MDFIC: variants seen among roughly 807,000 people sequenced by gnomAD.
MDFIC encodes MyoD family inhibitor domain containing, also known as myoD family inhibitor domain-containing protein.
In MDFIC, 17 loss-of-function variants were observed where a neutral mutation model predicts 23.2. That is an observed-to-expected ratio of 0.73 (90% CI 0.50 to 1.10). The LOEUF (loss-of-function observed/expected upper bound fraction) is 1.10. Ranked by LOEUF, MDFIC falls within the 50% of genes least tolerant of loss-of-function variation. The probability of loss-of-function intolerance (pLI) is 0.00; values close to 1 mark genes in which losing one functional copy is unlikely to be tolerated. For missense variants in MDFIC, 356 were observed against 316.6 expected (o/e 1.12, Z -0.95); for synonymous variants, 120 against 115.2 (o/e 1.04, Z -0.27).
At chr7:114,941,706 C>T (rs188439645) in intron 2 of MDFIC, among the ~76,000 whole-genome samples, 1 of 152,296 alleles carries the variant, frequency 6.6e-6, no homozygotes, top group African/African-American at 2.4e-5. Flanking sequence ...GGCTTTCTCC[C>T]TGAGAACCCA....
chr7:114,941,752 C>T (rs768682443), intron 2 of MDFIC, among the ~76,000 whole-genome samples: 13 of 152,270 alleles, frequency 8.5e-5, no homozygotes, highest in South Asian at 4.1e-4. Flanking sequence ...CTAAATACCC[C>T]CTTCTCAGAG....
rs1322801919 is a variant in MDFIC at position 114,923,463 on chromosome 7, C to T, written c.94+336C>T. Reference sequence around the variant, plus strand: ...TCTGAAGCGCTTCTCCTCTAGGTCTCTTCAGCAGATCCAGGACTGCCGCAG... The same window carrying T: ...TCTGAAGCGCTTCTCCTCTAGGTCTTTTCAGCAGATCCAGGACTGCCGCAG... On this transcript the variant is annotated intron_variant, in intron 2 of 4. Transcript: ENST00000393486. The T allele has an allele frequency of 2.6e-6, 4 of 1,537,734 alleles. No individual in the cohort carries two copies. The Admixed American group carries it at 5.9e-5, about 23-fold the overall frequency.
intron 4 of MDFIC, among the ~76,000 whole-genome samples, chr7:114,985,299 C>T (rs1464229807): frequency 6.6e-6 from 1 of 152,082 alleles, no homozygotes; most frequent in African/African-American, 2.4e-5. Context: ...TATGTGTTAG[C>T]TGCTGTTATG....
chr7:114,948,445 C>T (rs1792693226), intron 3 of MDFIC, among the ~76,000 whole-genome samples: 1 of 151,904 alleles, frequency 6.6e-6, no homozygotes, highest in African/African-American at 2.4e-5. Flanking sequence ...TATTTATGGC[C>T]TTTTTTGCAT....
At chr7:115,007,895 T>C (rs956960815) in intron 4 of MDFIC, among the ~76,000 whole-genome samples, 1 of 149,086 alleles carries the variant, frequency 6.7e-6, no homozygotes, top group African/African-American at 2.5e-5. Context: ...AACAGAGTTT[T>C]GTCATGTTGC....
At chr7:114,966,431 A>G (rs982677339) in intron 3 of MDFIC, among the ~76,000 whole-genome samples, 1 of 151,072 alleles carries the variant, frequency 6.6e-6, no homozygotes, top group Non-Finnish European at 1.5e-5. Context: ...AGGAAAAAAC[A>G]CCACCAAACT....
Position 115,018,093 on chromosome 7 carries a change from G to C in MDFIC, c.*2158G>C, listed in dbSNP as rs978784873. ...ATTTTGGGATCTGAATATAATTCTG[G>C]TAAACAGCTGTCTTCATTTTTCTCC... On this transcript the variant is annotated 3_prime_UTR_variant, in exon 5 of 5. Transcript: ENST00000393486. 2 of 151,820 alleles carry C rather than the reference G, an allele frequency of 1.3e-5. No homozygotes were observed. The highest frequency in any genetic ancestry group is 1.3e-4 in the Admixed American group (2 of 15,242). The allele number at this position is 151,820 out of a possible 1,614,324, so 9.4% of individuals were successfully genotyped here.
intron 2 of MDFIC, among the ~76,000 whole-genome samples, chr7:114,930,306 A>C (rs191968204): frequency 7.4e-4 from 113 of 152,308 alleles, no homozygotes; most frequent in Non-Finnish European, 9.7e-4. Context: ...GCAGGGTGGA[A>C]GTGATGAGAG....
At chr7:114,981,758 A>G (rs965412430) in intron 4 of MDFIC, among the ~76,000 whole-genome samples, 2 of 152,224 alleles carry the variant, frequency 1.3e-5, no homozygotes, top group South Asian at 2.1e-4. Context: ...TTGAATCTAG[A>G]TTAAAATTTG....
intron 3 of MDFIC, among the ~76,000 whole-genome samples, chr7:114,943,493 C>T (rs756950765): frequency 4.0e-5 from 6 of 151,804 alleles, no homozygotes; most frequent in Non-Finnish European, 5.9e-5. Flanking sequence ...AATTTTAGGA[C>T]CATTTTGGTT....
chr7:114,976,935 C>G (rs1348650155), intron 3 of MDFIC, among the ~76,000 whole-genome samples: 1 of 151,996 alleles, frequency 6.6e-6, no homozygotes, highest in Non-Finnish European at 1.5e-5. Context: ...TTTATCAACC[C>G]CACGTATAAC....
chr7:114,964,654 G>C (rs1585105289), intron 3 of MDFIC, among the ~76,000 whole-genome samples: 1 of 152,104 alleles, frequency 6.6e-6, no homozygotes, highest in Middle Eastern at 3.4e-3. Flanking sequence ...GAGTTCAAGC[G>C]ATTCTCGTGC....
At position 115,015,956 on chromosome 7, in the gene MDFIC, T is replaced by C; in HGVS notation, c.*21T>C. ...CATAAATATTTATCTTTTGTTTGTG[T>C]TAAAACTGGAGAGTGTTTAAAAATT... is the stretch of plus-strand genomic sequence containing the variant. On this transcript the variant is annotated 3_prime_UTR_variant, in exon 5 of 5. Coordinates refer to ENST00000393486, the MANE Select transcript of MDFIC (RefSeq NM_001166345.3). 3 of 1,603,648 alleles carry C rather than the reference T, an allele frequency of 1.9e-6. No individual in the cohort carries two copies. The highest frequency in any genetic ancestry group is 2.6e-6 in the Non-Finnish European group (3 of 1,174,284).
chr7:114,952,042 G>C (rs1295952774), intron 3 of MDFIC, among the ~76,000 whole-genome samples: 5 of 152,190 alleles, frequency 3.3e-5, no homozygotes, highest in Admixed American at 3.3e-4. Flanking sequence ...TGCTGGGCCT[G>C]GCTGCAAGCA....
intron 2 of MDFIC, 102 bp downstream of exon 2, chr7:114,923,229 G>T: frequency 7.1e-6 from 10 of 1,411,778 alleles, no homozygotes; most frequent in Non-Finnish European, 9.6e-6. Flanking sequence ...TGTGAGGAGG[G>T]GCTCCCACTC....
rs562660919 is a variant in MDFIC, at chr7:114,974,507, T to C, written c.218-4999T>C. On this transcript the variant is annotated intron_variant, in intron 3 of 4. Coordinates refer to ENST00000393486, the MANE Select transcript of MDFIC (RefSeq NM_001166345.3). Reference sequence around the variant, plus strand: ...TCCTGAGCATTTAATTTTGATTTTTTTATGTGTACAACAACCATTTAAACT... The same window carrying C: ...TCCTGAGCATTTAATTTTGATTTTTCTATGTGTACAACAACCATTTAAACT... Among the ~76,000 whole-genome samples the C allele has an allele frequency of 9.9e-5, 15 of 152,264 alleles. No individual in the cohort carries two copies. The South Asian group carries it at 1.9e-3, about 19-fold the overall frequency.
intron 4 of MDFIC, among the ~76,000 whole-genome samples, chr7:115,004,532 A>C (rs919203185): frequency 2.0e-5 from 3 of 152,282 alleles, no homozygotes; most frequent in Non-Finnish European, 4.4e-5. Flanking sequence ...TCCAAATCAC[A>C]ACAGTTATGG....
intron 2 of MDFIC, among the ~76,000 whole-genome samples, chr7:114,932,084 C>G (rs1792318661): frequency 6.6e-6 from 1 of 152,086 alleles, no homozygotes; most frequent in South Asian, 2.1e-4. Context: ...AGGGGTTGTA[C>G]TATTTATTTC....
chr7:114,950,514 G>T (rs1046841952), intron 3 of MDFIC, among the ~76,000 whole-genome samples: 2 of 152,112 alleles, frequency 1.3e-5, no homozygotes, highest in African/African-American at 4.8e-5. Flanking sequence ...CATCAGAGGG[G>T]TTAATAGTCC....
Sources: gnomAD v4.1 joint callset for allele counts (sites outside exome capture counted in the v4.1 genomes callset) on GRCh38, gnomAD v4.1.1 for gene constraint, MANE v1.5 for transcripts, NCBI Gene and HGNC (gene_info 2026-07-23, HGNC 2026-07-21) for gene names.